YWHAQ: variants seen among roughly 807,000 people sequenced by gnomAD.
YWHAQ encodes tyrosine 3-monooxygenase/tryptophan 5-monooxygenase activation protein theta.
A neutral mutation model predicts 28.3 loss-of-function variants in YWHAQ; 6 were observed. That is an observed-to-expected ratio of 0.21 (90% CI 0.12 to 0.42). The LOEUF (loss-of-function observed/expected upper bound fraction) is 0.42, where lower values mean the gene tolerates loss of function less well. Among genes scored for constraint, YWHAQ ranks in the 10% least tolerant of loss-of-function variants. The probability of loss-of-function intolerance (pLI) is 1.00; values close to 1 mark genes in which losing one functional copy is unlikely to be tolerated. For missense variants in YWHAQ, 201 were observed against 305.6 expected (o/e 0.66, Z 2.55); for synonymous variants, 143 against 119.1 (o/e 1.20, Z -1.31).
At chr2:9,618,249 T>C (rs1279860330) in intron 2 of YWHAQ, among the ~76,000 whole-genome samples, 2 of 152,196 alleles carry the variant, frequency 1.3e-5, no homozygotes, top group Admixed American at 1.3e-4. Context: ...TTTATGGTAT[T>C]TGAATTATAT....
At chr2:9,613,584 C>T (rs2125070624) in intron 2 of YWHAQ, among the ~76,000 whole-genome samples, 1 of 152,304 alleles carries the variant, frequency 6.6e-6, no homozygotes, top group African/African-American at 2.4e-5. Context: ...GAATCCAAGA[C>T]TCTAAATACA....
chr2:9,602,786 C>T (rs1024345223), intron 2 of YWHAQ, among the ~76,000 whole-genome samples: 1 of 142,562 alleles, frequency 7.0e-6, no homozygotes, highest in African/African-American at 2.6e-5. Flanking sequence ...GCCTCAGCCT[C>T]CCAAAATGCT....
At chr2:9,597,329 C>G (rs1666591683) in intron 2 of YWHAQ, among the ~76,000 whole-genome samples, 1 of 151,992 alleles carries the variant, frequency 6.6e-6, no homozygotes. Context: ...GTCAAGTGTC[C>G]TTGTGTTATT....
rs186768506 is a variant in YWHAQ, at chr2:9,597,980, G to T, written c.295-6465C>A. Among the ~76,000 whole-genome samples, 934 of 117,640 alleles carry T rather than the reference G, an allele frequency of 7.9e-3. 10 individuals are homozygous for T. Among genetic ancestry groups the T allele is most frequent in the African/African-American group, 0.039 (888 of 22,980 alleles). The allele number at this position is 117,640 out of a possible 152,430, so 77.2% of individuals were successfully genotyped here. On this transcript the variant is annotated intron_variant, in intron 2 of 5. Coordinates refer to ENST00000238081, the MANE Select transcript of YWHAQ (RefSeq NM_006826.4). Reference sequence around the variant, plus strand: ...GACTACAGGCATGCACCACCATGCCGGGCTATTTTTTTTTTTTTTTTTTTT... The same window carrying T: ...GACTACAGGCATGCACCACCATGCCTGGCTATTTTTTTTTTTTTTTTTTTT...
chr2:9,593,608 CCT>C (rs1162512778), intron 2 of YWHAQ, among the ~76,000 whole-genome samples: 1 of 151,772 alleles, frequency 6.6e-6, no homozygotes, highest in Non-Finnish European at 1.5e-5. Flanking sequence ...AAGAGGATTG[CCT>C]GAGAGCCCAG....
intron 2 of YWHAQ, among the ~76,000 whole-genome samples, chr2:9,598,538 G>C (rs1386248964): frequency 6.6e-6 from 1 of 152,086 alleles, no homozygotes; most frequent in Admixed American, 6.6e-5. Context: ...CCACCAGCGT[G>C]TGCTCAACTT....
intron 2 of YWHAQ, among the ~76,000 whole-genome samples, chr2:9,602,054 G>C (rs371434356): frequency 1.7e-4 from 26 of 152,114 alleles, no homozygotes; most frequent in African/African-American, 5.8e-4. Context: ...AAAAAATAAA[G>C]CAACTTTAGT....
chr2:9,588,094 C>A, intron 4 of YWHAQ, 71 bp downstream of exon 4: 3 of 1,457,038 alleles, frequency 2.1e-6, no homozygotes, highest in Non-Finnish European at 1.8e-6. Context: ...AGTAAAATAC[C>A]TATAAATTAA....
At chr2:9,604,715 G>A (rs758398003) in intron 2 of YWHAQ, among the ~76,000 whole-genome samples, 36 of 152,214 alleles carry the variant, frequency 2.4e-4, no homozygotes, top group Middle Eastern at 3.4e-3. Flanking sequence ...AGGAACTTGC[G>A]TATGTGTGGA....
rs530209654 is a variant in YWHAQ, at chr2:9,623,472, G to C, written c.294+6687C>G. 2.6e-5 allele frequency among the ~76,000 whole-genome samples: 4 copies of C among 152,330 alleles called. No homozygotes were observed. The East Asian group carries it at 7.7e-4, about 29-fold the overall frequency. ...AAAATTGTTGACAGTGTTCACCACTGCATTAAAAGTCTGAACCACGGCCGG... is the reference window on the plus strand; with the variant it reads ...AAAATTGTTGACAGTGTTCACCACTCCATTAAAAGTCTGAACCACGGCCGG... On this transcript the variant is annotated intron_variant, in intron 2 of 5. Coordinates refer to ENST00000238081, the MANE Select transcript of YWHAQ (RefSeq NM_006826.4).
intron 3 of YWHAQ, among the ~76,000 whole-genome samples, chr2:9,591,019 C>G: frequency 6.6e-6 from 1 of 152,178 alleles, no homozygotes; most frequent in East Asian, 1.9e-4. Context: ...TTCCAGTGAT[C>G]TGAAGTTTTA....
At chr2:9,588,536 C>T (rs1052155860) in intron 3 of YWHAQ, among the ~76,000 whole-genome samples, 8 of 151,826 alleles carry the variant, frequency 5.3e-5, no homozygotes, top group South Asian at 4.2e-4. Context: ...TTTGGGAGGC[C>T]GAGGTGGGTG....
chr2:9,628,649 T>C (rs2125075902), intron 2 of YWHAQ: 1 of 152,336 alleles, frequency 6.6e-6, no homozygotes, highest in African/African-American at 2.4e-5. Context: ...TGGTAACAGA[T>C]AATGCTGTTA....
intron 2 of YWHAQ, among the ~76,000 whole-genome samples, chr2:9,617,862 G>C (rs1408195602): frequency 1.3e-5 from 2 of 151,940 alleles, no homozygotes; most frequent in Non-Finnish European, 2.9e-5. Flanking sequence ...AGGAGTTTGA[G>C]GATGCAGTGA....
chr2:9,603,556 T>G (rs886749180), intron 2 of YWHAQ, among the ~76,000 whole-genome samples: 5 of 151,766 alleles, frequency 3.3e-5, no homozygotes, highest in Non-Finnish European at 7.4e-5. Flanking sequence ...ATTACGGGCA[T>G]GAGCCACCAT....
chr2:9,629,312 G>A (rs1481347259), intron 2 of YWHAQ, among the ~76,000 whole-genome samples: 3 of 152,072 alleles, frequency 2.0e-5, no homozygotes, highest in Non-Finnish European at 2.9e-5. Context: ...ATATAATGCT[G>A]GTATTTCAGT....
chr2:9,607,780 C>G (rs1268382373), intron 2 of YWHAQ, among the ~76,000 whole-genome samples: 2 of 145,940 alleles, frequency 1.4e-5, no homozygotes, highest in African/African-American at 5.2e-5. Flanking sequence ...GGCATAATCT[C>G]GGCTCACTGC....
intron 2 of YWHAQ, among the ~76,000 whole-genome samples, chr2:9,602,841 AAAAAAAAAAAAAAAAAAAAAAATAT>A (rs1167984786): frequency 3.9e-3 from 94 of 24,384 alleles, no homozygotes; most frequent in African/African-American, 0.015. Context: ...AAAAAAAAAA[AAAAAAAAAAAAAAAAAAAAAAATAT>A]ATATATATAT....
chr2:9,606,824 T>G (rs562298277), intron 2 of YWHAQ, among the ~76,000 whole-genome samples: 2 of 152,304 alleles, frequency 1.3e-5, no homozygotes, highest in South Asian at 4.1e-4. Flanking sequence ...ATTTTTTAGC[T>G]GTCTCTCAGA....
Sources: gnomAD v4.1 joint callset for allele counts (sites outside exome capture counted in the v4.1 genomes callset) on GRCh38, gnomAD v4.1.1 for gene constraint, MANE v1.5 for transcripts, NCBI Gene and HGNC (gene_info 2026-07-23, HGNC 2026-07-21) for gene names.